Variants in CLDN2 observed in about 807,000 individuals in gnomAD.
The protein encoded by CLDN2 is claudin 2.
CLDN2 carries 1 observed loss-of-function variant against 8.2 expected under a neutral mutation model. The observed-to-expected ratio is 0.12, with a 90% CI of 0.04 to 0.58. CLDN2 has a LOEUF of 0.58. CLDN2 is among the 20% of genes least tolerant of loss of function. CLDN2 has a pLI of 0.90. For missense variants in CLDN2, 108 were observed against 172.9 expected (o/e 0.62, Z 2.11); for synonymous variants, 70 against 70.2 (o/e 1.00, Z 0.01).
chrX:106,903,398 C>T, intron 1 of CLDN2: 1 of 817,927 alleles, frequency 1.2e-6, no homozygotes, highest in Non-Finnish European at 1.7e-6. Flanking sequence ...ATAAATTATT[C>T]AGGGAGGACA....
In CLDN2 at chrX:106,902,140, C is replaced by A; in HGVS notation, c.-179+1636C>A. 3 of 1,193,718 alleles carry A rather than the reference C, an allele frequency of 2.5e-6. No individual in the cohort carries two copies. Among genetic ancestry groups the A allele is most frequent in the Non-Finnish European group, 3.4e-6 (3 of 886,059 alleles). On this transcript the variant is annotated intron_variant, in intron 1 of 1. Transcript: ENST00000541806. ...ACACGTCACAAGGGCTCGAACTCAC[C>A]AAATCCACCAGCTTCCTCATCTGCC...
chrX:106,915,157 T>C (rs993224567), upstream of CLDN2, among the ~76,000 whole-genome samples: 15 of 112,631 alleles, frequency 1.3e-4, no homozygotes, highest in Non-Finnish European at 2.6e-4. Context: ...CATAATACAT[T>C]TGAGCTTCAC....
intron 1 of CLDN2, among the ~76,000 whole-genome samples, chrX:106,926,891 T>TCACA (rs36178406): frequency 6.8e-4 from 7 of 10,279 alleles, no homozygotes; most frequent in African/African-American, 3.5e-3. Context: ...GGCAGGAGGA[T>TCACA]CACACACACA....
At chrX:106,908,553 CTTTCT>C (rs1285719773) in intron 1 of CLDN2, among the ~76,000 whole-genome samples, 469 of 102,617 alleles carry the variant, frequency 4.6e-3, no homozygotes, top group African/African-American at 0.016. Flanking sequence ...TATTTTTTTT[CTTTCT>C]TTTCTTTTCT....
chrX:106,917,798 T>A (rs998818385), upstream of CLDN2, among the ~76,000 whole-genome samples: 1 of 111,464 alleles, frequency 9.0e-6, no homozygotes, highest in Admixed American at 9.6e-5. Flanking sequence ...CTGAACTAAA[T>A]GCTGCTTTTC....
intron 1 of CLDN2, among the ~76,000 whole-genome samples, chrX:106,925,538 G>A (rs1933453502): frequency 8.9e-6 from 1 of 112,480 alleles, no homozygotes; most frequent in South Asian, 3.6e-4. Flanking sequence ...AGAGGTCATG[G>A]GGTAAACCAA....
At chrX:106,905,437 G>T (rs1235965639) in intron 1 of CLDN2, among the ~76,000 whole-genome samples, 3 of 112,335 alleles carry the variant, frequency 2.7e-5, no homozygotes, top group African/African-American at 9.7e-5. Context: ...TGTGGGGAAA[G>T]AGAGGGTTGC....
At chrX:106,917,219 T>G (rs1294651429), upstream of CLDN2, among the ~76,000 whole-genome samples, 2 of 111,804 alleles carry the variant, frequency 1.8e-5, no homozygotes, top group Admixed American at 1.9e-4. Context: ...GAATGCAGAG[T>G]GAGGAACGAG....
chrX:106,918,885 C>T (rs1441225972), upstream of CLDN2, among the ~76,000 whole-genome samples: 2 of 112,056 alleles, frequency 1.8e-5, no homozygotes. Flanking sequence ...GTTTCCTCAT[C>T]TGGAAATAGT....
At chrX:106,912,752 G>T (rs189020700) in intron 1 of CLDN2, among the ~76,000 whole-genome samples, 71 of 110,365 alleles carry the variant, frequency 6.4e-4, no homozygotes, top group African/African-American at 2.2e-3. Context: ...AAACTTGGGT[G>T]CTTGGCAAGT....
Position 106,909,347 on chromosome X carries a change from G to A in CLDN2, c.-179+8843G>A, listed in dbSNP as rs983699402. On this transcript the variant is annotated intron_variant, in intron 1 of 1. Coordinates refer to the CLDN2 transcript ENST00000541806. ...GGGAGTCTCTGTGCTCCTAACCACT[G>A]CCCAGCCCTATCCTGCCACTGGGGA... 4.5e-5 allele frequency among the ~76,000 whole-genome samples: 5 copies of A among 111,460 alleles called. No individual in the cohort carries two copies. In the East Asian group the frequency reaches 1.4e-3, roughly 32 times the overall value.
chrX:106,913,106 T>C (rs770622893), intron 1 of CLDN2, among the ~76,000 whole-genome samples: 1 of 111,162 alleles, frequency 9.0e-6, no homozygotes, highest in East Asian at 2.8e-4. Flanking sequence ...ATTGATTTTT[T>C]TTTTTTGAGA....
In CLDN2 at chrX:106,928,031, G is replaced by C; in HGVS notation, c.-178-20G>C. ...TAAGCTTCTGGTCAATATTTAATCT[G>C]GTTTATGGATTTTTTTTAGGTCTTC... On this transcript the variant is annotated intron_variant, in intron 1 of 1. Coordinates refer to ENST00000336803, the MANE Select transcript of CLDN2 (RefSeq NM_020384.4). The C allele has an allele frequency of 2.6e-6, 1 of 380,524 alleles. No individual in the cohort carries two copies. Among genetic ancestry groups the C allele is most frequent in the East Asian group, 3.9e-5 (1 of 25,843 alleles). The allele number at this position is 380,524 out of a possible 1,213,427, so 31.4% of individuals were successfully genotyped here.
upstream of CLDN2, among the ~76,000 whole-genome samples, chrX:106,915,565 A>C (rs1048825980): frequency 3.6e-5 from 4 of 112,434 alleles, no homozygotes; most frequent in African/African-American, 1.3e-4. Flanking sequence ...TAAGCTTTAA[A>C]TAATTTACAA....
chrX:106,924,132 T>C (rs1159025887), intron 1 of CLDN2, among the ~76,000 whole-genome samples: 1 of 111,212 alleles, frequency 9.0e-6, no homozygotes, highest in East Asian at 2.8e-4. Flanking sequence ...TGAGAATATT[T>C]TCAGTGGAGG....
At chrX:106,917,710 T>TCCTTTTCTCTTCC (rs1305072667), upstream of CLDN2, among the ~76,000 whole-genome samples, 1 of 111,176 alleles carries the variant, frequency 9.0e-6, no homozygotes, top group East Asian at 2.8e-4. Flanking sequence ...TTCTCTCTTC[T>TCCTTTTCTCTTCC]CCTTTTCTCT....
At chrX:106,910,933 C>A (rs778153557) in intron 1 of CLDN2, among the ~76,000 whole-genome samples, 5 of 112,109 alleles carry the variant, frequency 4.5e-5, no homozygotes, top group African/African-American at 1.6e-4. Flanking sequence ...TCCTACTTCA[C>A]AGAGTTGCAG....
upstream of CLDN2, among the ~76,000 whole-genome samples, chrX:106,919,735 C>A: frequency 8.9e-6 from 1 of 112,734 alleles, no homozygotes; most frequent in East Asian, 2.8e-4. Context: ...CCACCCGCCT[C>A]GGCCTCCCAA....
intron 1 of CLDN2, among the ~76,000 whole-genome samples, 191 bp downstream of exon 1, chrX:106,920,742 C>A (rs1024588276): frequency 2.7e-5 from 3 of 111,971 alleles, no homozygotes; most frequent in Non-Finnish European, 5.6e-5. Context: ...TCAAAGCTAT[C>A]ACAAAGGTTC....
Sources: allele counts gnomAD v4.1 joint callset (sites outside exome capture counted in the v4.1 genomes callset), GRCh38; gene constraint gnomAD v4.1.1; transcripts MANE v1.5; gene names NCBI Gene and HGNC (gene_info 2026-07-23, HGNC 2026-07-21).